The following CPED1 variants were observed in gnomAD, a reference collection of about 807,000 sequenced individuals.
CPED1 encodes cadherin-like and PC-esterase domain-containing protein 1.
Under a neutral mutation model 128.2 loss-of-function variants are expected in CPED1, and 114 were observed. That is an observed-to-expected ratio of 0.89 (90% CI 0.76 to 1.04). CPED1 has a LOEUF of 1.04. CPED1 is among the 50% of genes least tolerant of loss of function. The probability of loss-of-function intolerance (pLI) is 0.00; values close to 1 mark genes in which losing one functional copy is unlikely to be tolerated. For missense variants in CPED1, 1,211 were observed against 1,207.1 expected (o/e 1.00, Z -0.05); for synonymous variants, 462 against 426.7 (o/e 1.08, Z -1.02).
intron 14 of CPED1, among the ~76,000 whole-genome samples, chr7:121,140,218 C>T (rs1161028568): frequency 6.6e-6 from 1 of 151,880 alleles, no homozygotes; most frequent in Non-Finnish European, 1.5e-5. Flanking sequence ...CAGGATGGAG[C>T]AGAGGATAGT....
chr7:121,030,325 T>C (rs1268763315), intron 3 of CPED1, among the ~76,000 whole-genome samples: 3 of 152,204 alleles, frequency 2.0e-5, no homozygotes, highest in Admixed American at 6.5e-5. Context: ...TCCTCCCTTA[T>C]CCATGGTTTC....
chr7:121,285,347 C>T (rs1321877002), intron 22 of CPED1, among the ~76,000 whole-genome samples: 1 of 152,166 alleles, frequency 6.6e-6, no homozygotes, highest in Non-Finnish European at 1.5e-5. Context: ...CTCTGACATG[C>T]CCTGTTGACA....
At chr7:121,191,853 C>A (rs1319784522) in intron 16 of CPED1, among the ~76,000 whole-genome samples, 2 of 152,120 alleles carry the variant, frequency 1.3e-5, no homozygotes, top group Non-Finnish European at 1.5e-5. Flanking sequence ...GGCTTACCAA[C>A]AAACTGGCAC....
At chr7:121,154,014 A>G (rs1000856687) in intron 16 of CPED1, among the ~76,000 whole-genome samples, 1 of 152,210 alleles carries the variant, frequency 6.6e-6, no homozygotes, top group Non-Finnish European at 1.5e-5. Flanking sequence ...CCAAACCCTT[A>G]CAGACTATAC....
intron 3 of CPED1, among the ~76,000 whole-genome samples, chr7:121,031,950 T>C (rs1048246385): frequency 3.3e-5 from 5 of 152,176 alleles, no homozygotes; most frequent in Non-Finnish European, 7.4e-5. Context: ...TATTACTTTA[T>C]ATTCATGAGA....
chr7:121,236,613 T>A (rs757722010), intron 16 of CPED1, 101 bp from the exon 17 acceptor site: 1 of 589,552 alleles, frequency 1.7e-6, no homozygotes, highest in Admixed American at 2.9e-5. Flanking sequence ...CTCCCTTTTA[T>A]CCATAAAGGT....
chr7:121,209,371 A>G (rs1797594459), intron 16 of CPED1, among the ~76,000 whole-genome samples: 1 of 152,038 alleles, frequency 6.6e-6, no homozygotes, highest in East Asian at 1.9e-4. Flanking sequence ...CAGGAAATTA[A>G]AATTCTCTGA....
chr7:121,084,294 A>G (rs773464455), intron 5 of CPED1, among the ~76,000 whole-genome samples: 1 of 152,202 alleles, frequency 6.6e-6, no homozygotes, highest in Non-Finnish European at 1.5e-5. Context: ...TATCCACATA[A>G]TTTTAACAAA....
intron 8 of CPED1, among the ~76,000 whole-genome samples, chr7:121,125,498 C>G (rs1017982450): frequency 2.0e-5 from 3 of 152,010 alleles, no homozygotes; most frequent in African/African-American, 7.3e-5. Context: ...GTGTGATGTT[C>G]CCCTCCCTGT....
intron 18 of CPED1, among the ~76,000 whole-genome samples, chr7:121,245,469 G>A (rs1336483614): frequency 1.3e-5 from 2 of 151,982 alleles, no homozygotes; most frequent in Non-Finnish European, 2.9e-5. Flanking sequence ...AAAAGGGCAG[G>A]GAATGTGTTT....
intron 16 of CPED1, among the ~76,000 whole-genome samples, chr7:121,204,992 G>A (rs974340448): frequency 1.3e-5 from 2 of 151,972 alleles, no homozygotes; most frequent in Non-Finnish European, 2.9e-5. Context: ...TTCTTTTCTG[G>A]GATGCAGTTC....
chr7:121,260,409 T>C (rs904548931), intron 18 of CPED1, among the ~76,000 whole-genome samples: 4 of 151,866 alleles, frequency 2.6e-5, no homozygotes, highest in African/African-American at 9.7e-5. Flanking sequence ...AGGGATGCTT[T>C]GTTGAGCTAG....
intron 18 of CPED1, among the ~76,000 whole-genome samples, chr7:121,264,274 G>A (rs768504500): frequency 5.9e-5 from 9 of 152,000 alleles, no homozygotes; most frequent in Non-Finnish European, 1.0e-4. Flanking sequence ...AATACTAATG[G>A]AGTTGCATAA....
At position 121,263,346 on chromosome 7, in the gene CPED1, A is replaced by G. The variant is rs984267729; in HGVS notation, c.2311-2881A>G. Among the ~76,000 whole-genome samples, 5 of 152,042 alleles carry G rather than the reference A, an allele frequency of 3.3e-5. No individual in the cohort carries two copies. In the East Asian group the frequency reaches 5.8e-4, roughly 18 times the overall value. On this transcript the variant is annotated intron_variant, in intron 18 of 22. Coordinates refer to ENST00000310396, the MANE Select transcript of CPED1 (RefSeq NM_024913.5). Reference sequence around the variant, plus strand: ...TTAGACATTTCCTATTTTTGCTGCCATTTTCTCTAGAGGAGCTAACAAATT... The same window carrying G: ...TTAGACATTTCCTATTTTTGCTGCCGTTTTCTCTAGAGGAGCTAACAAATT...
chr7:121,149,349 G>T (rs1478633437), intron 16 of CPED1, among the ~76,000 whole-genome samples: 1 of 152,108 alleles, frequency 6.6e-6, no homozygotes, highest in Admixed American at 6.5e-5. Flanking sequence ...GATCAGAGTG[G>T]CATGTTCTTT....
At chr7:121,028,908 A>G (rs1300606796) in intron 3 of CPED1, among the ~76,000 whole-genome samples, 3 of 152,180 alleles carry the variant, frequency 2.0e-5, no homozygotes, top group African/African-American at 7.2e-5. Context: ...ATAAGCTTTT[A>G]TACATTTTAT....
intron 16 of CPED1, among the ~76,000 whole-genome samples, chr7:121,168,934 G>T (rs1563052857): frequency 6.6e-6 from 1 of 152,052 alleles, no homozygotes; most frequent in Non-Finnish European, 1.5e-5. Flanking sequence ...TATAGGAAAA[G>T]GAAAAATCAA....
chr7:121,081,726 G>A (rs1794299745), intron 5 of CPED1, among the ~76,000 whole-genome samples: 1 of 152,172 alleles, frequency 6.6e-6, no homozygotes, highest in Non-Finnish European at 1.5e-5. Flanking sequence ...CAGTCAACAA[G>A]CATAATTAGT....
chr7:120,988,974 A>T (rs1416838310), intron 1 of CPED1, 62 bp downstream of exon 1: 1 of 152,312 alleles, frequency 6.6e-6, no homozygotes, highest in Non-Finnish European at 1.5e-5. Context: ...AAACCCTGAC[A>T]GTAACCATGT....
Sources: gnomAD v4.1 joint callset for allele counts (sites outside exome capture counted in the v4.1 genomes callset) on GRCh38, gnomAD v4.1.1 for gene constraint, MANE v1.5 for transcripts, NCBI Gene and HGNC (gene_info 2026-07-23, HGNC 2026-07-21) for gene names.